NACC2: variants seen among roughly 807,000 people sequenced by gnomAD.
NACC2 encodes NACC family member 2, also known as nucleus accumbens-associated protein 2.
In NACC2, 8 loss-of-function variants were observed where a neutral mutation model predicts 25.1. That is an observed-to-expected ratio of 0.32 (90% confidence interval 0.19 to 0.57). The LOEUF (loss-of-function observed/expected upper bound fraction) is 0.57. NACC2 is among the 20% of genes least tolerant of loss of function. NACC2 has a pLI of 0.89. For missense variants in NACC2, 644 were observed against 650.2 expected (o/e 0.99, Z 0.10); for synonymous variants, 435 against 294.7 (o/e 1.48, Z -4.88).
intron 1 of NACC2, among the ~76,000 whole-genome samples, chr9:136,071,315 C>T (rs984541700): frequency 6.7e-6 from 1 of 148,958 alleles, no homozygotes; most frequent in African/African-American, 2.6e-5. Flanking sequence ...GAGGTCAAGG[C>T]TGGCAGATCA....
At chr9:136,080,757 G>A (rs556132810) in intron 1 of NACC2, among the ~76,000 whole-genome samples, 2 of 152,312 alleles carry the variant, frequency 1.3e-5, no homozygotes, top group South Asian at 2.1e-4. Flanking sequence ...ACGGGGGGCC[G>A]TGACACACAC....
At position 136,049,961 on chromosome 9, in the gene NACC2, C is replaced by T. The variant is rs1233421701; in HGVS notation, c.561G>A (p.Leu187=). Reference sequence around the variant, plus strand: ...CCGTCTCCAGCGGGCGCTTGGGGGCCAGGCCTGGGCCGGCCGGCGGCAGCT... The same window carrying T: ...CCGTCTCCAGCGGGCGCTTGGGGGCTAGGCCTGGGCCGGCCGGCGGCAGCT... ...AMELPPAGPG[L]APKRPLETGP... is the part of the protein sequence containing the mutation. Residue 187 remains leucine (L), a synonymous_variant, in exon 2 of 6, where the codon CTG becomes CTA. Transcript: ENST00000277554. 1,069 of 604,312 alleles carry T rather than the reference C, an allele frequency of 1.8e-3. 5 individuals are homozygous for T. Among genetic ancestry groups the T allele is most frequent in the Admixed American group, 2.8e-3 (93 of 32,794 alleles). 37.4% of individuals were successfully genotyped at this position (604,312 alleles called of 1,614,324 possible).
chr9:136,063,704 G>A (rs1841042934), intron 1 of NACC2, among the ~76,000 whole-genome samples: 2 of 151,942 alleles, frequency 1.3e-5, no homozygotes, highest in South Asian at 2.1e-4. Flanking sequence ...CCAACAAAGT[G>A]AAATCCCATC....
intron 1 of NACC2, among the ~76,000 whole-genome samples, chr9:136,063,567 G>T (rs764461276): frequency 3.9e-5 from 6 of 152,176 alleles, no homozygotes; most frequent in Non-Finnish European, 7.3e-5. Flanking sequence ...CCTGGGAAGG[G>T]TATGCACAAA....
rs994531562 is a variant in NACC2, at chr9:136,019,866, G to T, written c.887-3437C>A. ...CAGGGGAGCTTGCGAGAGGGCGGCT[G>T]AGCCTGGAGGACACCACACTCAGGA... On this transcript the variant is annotated intron_variant, in intron 2 of 5. Transcript: ENST00000277554. The surrounding 1 kb of genome is among the most constrained non-coding windows in gnomAD (Gnocchi z 5.2). Among the ~76,000 whole-genome samples the T allele has an allele frequency of 6.6e-6, 1 of 152,178 alleles. No individual in the cohort carries two copies. Among genetic ancestry groups the T allele is most frequent in the African/African-American group, 2.4e-5 (1 of 41,446 alleles).
chr9:136,033,595 A>G (rs1269967796), intron 2 of NACC2, among the ~76,000 whole-genome samples: 1 of 141,346 alleles, frequency 7.1e-6, no homozygotes, highest in Non-Finnish European at 1.5e-5. Flanking sequence ...GGTTGGAGTG[A>G]GCTGAGATCT....
intron 1 of NACC2, among the ~76,000 whole-genome samples, chr9:136,078,957 G>A (rs1026813314): frequency 3.9e-5 from 6 of 152,218 alleles, no homozygotes; most frequent in Admixed American, 6.5e-5. Flanking sequence ...CACCGTCGCC[G>A]GCATGATGCC....
intron 1 of NACC2, among the ~76,000 whole-genome samples, chr9:136,093,098 A>C (rs1301441212): frequency 6.6e-6 from 1 of 152,200 alleles, no homozygotes; most frequent in Non-Finnish European, 1.5e-5. Context: ...AAGGGGCACA[A>C]GGTGGAACCT....
chr9:136,032,048 C>T lies in NACC2; in HGVS notation c.887-15619G>A, dbSNP rs1003731167. 5.6e-5 allele frequency among the ~76,000 whole-genome samples: 8 copies of T among 142,578 alleles called. No individual in the cohort carries two copies. In the East Asian group the frequency reaches 1.5e-3, roughly 27 times the overall value. The allele number at this position is 142,578 out of a possible 152,430, so 93.5% of individuals were successfully genotyped here. A position where few individuals can be genotyped will look rare whatever the true frequency, so the allele number is the denominator to read the frequency against. On this transcript the variant is annotated intron_variant, in intron 2 of 5. Coordinates refer to ENST00000277554, the MANE Select transcript of NACC2 (RefSeq NM_144653.5). ...GGTGATCACTGCCCAGGTTTGACCACAGAAGGGATGATTTCCCTCCCGCCA... is the reference window on the plus strand; with the variant it reads ...GGTGATCACTGCCCAGGTTTGACCATAGAAGGGATGATTTCCCTCCCGCCA...
At chr9:136,070,125 T>A (rs1382852139) in intron 1 of NACC2, among the ~76,000 whole-genome samples, 2 of 151,860 alleles carry the variant, frequency 1.3e-5, no homozygotes, top group Non-Finnish European at 2.9e-5. Flanking sequence ...GGAATCAAAC[T>A]AGAAATCGTA....
chr9:136,015,275 A>G (rs543166439), intron 3 of NACC2, among the ~76,000 whole-genome samples: 108 of 152,336 alleles, frequency 7.1e-4, no homozygotes, highest in African/African-American at 2.6e-3. Context: ...TGCGCCCCAG[A>G]GCCCAACCCC....
intron 2 of NACC2, among the ~76,000 whole-genome samples, chr9:136,021,714 A>G (rs1208718225): frequency 6.6e-6 from 1 of 152,226 alleles, no homozygotes; most frequent in African/African-American, 2.4e-5. Context: ...ATGTCCTGCA[A>G]TGGGCATGCA....
Position 136,006,976 on chromosome 9 carries a change from TAA to T in NACC2, c.*4538_*4539del, listed in dbSNP as rs1396612288. ...CTCTTTAAAACAACCGTCTCCTTTT[TAA>T]AAGTCTCTTTTTTCCAAACATTCCA... is the stretch of plus-strand genomic sequence containing the variant. On this transcript the variant is annotated 3_prime_UTR_variant, in exon 6 of 6. Transcript: ENST00000277554. 6.5e-6 allele frequency: 1 copy of T among 153,932 alleles called. No individual in the cohort carries two copies. The highest frequency in any genetic ancestry group is 6.5e-5 in the Admixed American group (1 of 15,294). The allele number at this position is 153,932 out of a possible 1,614,324, so 9.5% of individuals were successfully genotyped here. A position where few individuals can be genotyped will look rare whatever the true frequency, so the allele number is the denominator to read the frequency against.
intron 1 of NACC2, among the ~76,000 whole-genome samples, chr9:136,065,498 T>C (rs1282276532): frequency 6.6e-6 from 1 of 152,204 alleles, no homozygotes; most frequent in East Asian, 1.9e-4. Flanking sequence ...CGCACGCCAG[T>C]AGTCCCAGCT....
At chr9:136,027,847 A>G (rs1840416527) in intron 2 of NACC2, among the ~76,000 whole-genome samples, 2 of 152,194 alleles carry the variant, frequency 1.3e-5, no homozygotes, top group African/African-American at 4.8e-5. Context: ...GATAAACTGA[A>G]ATAAAAAAAT....
At chr9:136,090,462 G>A (rs908781639) in intron 1 of NACC2, among the ~76,000 whole-genome samples, 11 of 152,236 alleles carry the variant, frequency 7.2e-5, no homozygotes, top group African/African-American at 2.7e-4. Flanking sequence ...GACAGTAGGG[G>A]TGGGGAGGGA....
intron 1 of NACC2, among the ~76,000 whole-genome samples, chr9:136,073,046 A>G (rs10776875): frequency 0.53 from 79,998 of 152,020 alleles, 21,271 homozygotes; most frequent in Middle Eastern, 0.63. Context: ...CACAAGACAC[A>G]GGTAATGGGA....
chr9:136,042,627 A>C (rs919045585), intron 2 of NACC2, among the ~76,000 whole-genome samples: 1 of 152,000 alleles, frequency 6.6e-6, no homozygotes, highest in Non-Finnish European at 1.5e-5. Flanking sequence ...TTTGCAAGAA[A>C]ACACACACAG....
intron 2 of NACC2, among the ~76,000 whole-genome samples, chr9:136,030,335 C>T (rs1033214749): frequency 6.6e-6 from 1 of 152,116 alleles, no homozygotes; most frequent in Non-Finnish European, 1.5e-5. Context: ...GGAGGCCGGG[C>T]GCGGTGGCTC....
Sources: gnomAD v4.1 joint callset for allele counts (sites outside exome capture counted in the v4.1 genomes callset) on GRCh38, gnomAD v4.1.1 for gene constraint, Gnocchi (gnomAD v3.1) non-coding constraint, MANE v1.5 for transcripts, NCBI Gene and HGNC (gene_info 2026-07-23, HGNC 2026-07-21) for gene names.